EPHB1: variants seen among roughly 807,000 people sequenced by gnomAD.
The protein encoded by EPHB1 is ephrin type-B receptor 1.
A neutral mutation model predicts 94.4 loss-of-function variants in EPHB1; 30 were observed. The ratio of observed to expected loss-of-function variants is 0.32; its 90% CI spans 0.24 to 0.43. The LOEUF is 0.43. EPHB1 is among the 20% of genes least tolerant of loss of function. The pLI is 1.00. For missense variants in EPHB1, 1,055 were observed against 1,308.3 expected (o/e 0.81, Z 2.99); for synonymous variants, 522 against 489.1 (o/e 1.07, Z -0.89).
At chr3:134,861,724 C>T (rs1470891614) in intron 1 of EPHB1, among the ~76,000 whole-genome samples, 1 of 151,892 alleles carries the variant, frequency 6.6e-6, no homozygotes, top group Non-Finnish European at 1.5e-5. Context: ...GCTTGTTTGG[C>T]ATCGGGGGAG....
Position 135,109,994 on chromosome 3 carries a change from C to T in EPHB1, c.961+3391C>T, listed in dbSNP as rs187317132. On this transcript the variant is annotated intron_variant, in intron 4 of 15. Transcript: ENST00000398015. ...CTCGGAGGTGAACAGCAATGTGAAA[C>T]CCCGCACCATGTTGCAGGGCTTGGC... Among the ~76,000 whole-genome samples, 10 of 152,314 alleles carry T rather than the reference C, an allele frequency of 6.6e-5. No individual in the cohort carries two copies. In the East Asian group the frequency reaches 1.5e-3, roughly 24 times the overall value.
chr3:134,865,514 G>A (rs1182680863), intron 1 of EPHB1, among the ~76,000 whole-genome samples: 1 of 151,990 alleles, frequency 6.6e-6, no homozygotes, highest in African/African-American at 2.4e-5. Flanking sequence ...TCTTATACTT[G>A]TACAAAATTA....
intron 3 of EPHB1, among the ~76,000 whole-genome samples, chr3:135,012,676 G>T (rs1260266799): frequency 6.6e-6 from 1 of 152,116 alleles, no homozygotes; most frequent in Non-Finnish European, 1.5e-5. Context: ...CTAATAGAGG[G>T]ATACATGCCA....
chr3:134,804,145 A>G (rs1016242701), intron 1 of EPHB1, among the ~76,000 whole-genome samples: 1 of 138,614 alleles, frequency 7.2e-6, no homozygotes, highest in Non-Finnish European at 1.5e-5. Context: ...TGCTGTTGCT[A>G]AAGACATACC....
At chr3:134,922,288 T>C (rs1435355698) in intron 1 of EPHB1, among the ~76,000 whole-genome samples, 4 of 152,222 alleles carry the variant, frequency 2.6e-5, no homozygotes, top group African/African-American at 9.6e-5. Context: ...TCAAATCACT[T>C]TTATTCAGCC....
At position 134,880,895 on chromosome 3, in the gene EPHB1, A is replaced by G. The variant is rs183593147; in HGVS notation, c.59-44921A>G. 6.6e-5 allele frequency among the ~76,000 whole-genome samples: 10 copies of G among 152,352 alleles called. No homozygotes were observed. In the East Asian group the frequency reaches 1.7e-3, roughly 26 times the overall value. On this transcript the variant is annotated intron_variant, in intron 1 of 15. Coordinates refer to ENST00000398015, the MANE Select transcript of EPHB1 (RefSeq NM_004441.5). ...AAGAGGGATGGAATATTATCGCTTT[A>G]TCTGTGAGAGGAAGAGATGATGTGA...
At chr3:134,907,390 C>T (rs1269322024) in intron 1 of EPHB1, among the ~76,000 whole-genome samples, 1 of 152,130 alleles carries the variant, frequency 6.6e-6, no homozygotes, top group Non-Finnish European at 1.5e-5. Flanking sequence ...AAAGGAAGGG[C>T]AGATGGGCCC....
intron 2 of EPHB1, among the ~76,000 whole-genome samples, chr3:134,946,794 C>CCTG (rs3067406): frequency 3.0e-4 from 46 of 151,738 alleles, no homozygotes; most frequent in African/African-American, 1.1e-3. Context: ...GCCTGCTCCT[C>CCTG]CACCTTCCTC....
chr3:135,033,229 T>G (rs1353691794), intron 3 of EPHB1, among the ~76,000 whole-genome samples: 1 of 152,124 alleles, frequency 6.6e-6, no homozygotes, highest in Non-Finnish European at 1.5e-5. Flanking sequence ...GATTCTGGAA[T>G]CGTTTATGGT....
At chr3:134,839,292 C>A (rs1297265829) in intron 1 of EPHB1, among the ~76,000 whole-genome samples, 1 of 152,136 alleles carries the variant, frequency 6.6e-6, no homozygotes, top group East Asian at 1.9e-4. Flanking sequence ...CTGCCCCTTA[C>A]CGTGCTTGTT....
At chr3:135,049,306 G>A (rs554775807) in intron 3 of EPHB1, among the ~76,000 whole-genome samples, 2 of 152,282 alleles carry the variant, frequency 1.3e-5, no homozygotes, top group East Asian at 1.9e-4. Context: ...TATTTCTCAC[G>A]GTTCTGAGAG....
intron 1 of EPHB1, among the ~76,000 whole-genome samples, chr3:134,909,122 C>CGGT (rs1365709935): frequency 1.1e-5 from 1 of 88,144 alleles, no homozygotes; most frequent in African/African-American, 4.8e-5. Context: ...GGGCGGGGGG[C>CGGT]GGGCTGGAAG....
rs549252431 is a variant in EPHB1, at chr3:135,228,078, A to G, written c.2347-13070A>G. Among the ~76,000 whole-genome samples the G allele has an allele frequency of 6.8e-4, 103 of 152,272 alleles. 1 individual carries two copies. The South Asian group carries it at 0.012, about 18-fold the overall frequency. On this transcript the variant is annotated intron_variant, in intron 12 of 15. Transcript: ENST00000398015. ...ATAAAATACTTTTAACTAGTCTACT[A>G]TCTATATTCTAATTTTGTCAATTGA...
chr3:134,828,715 G>A (rs1407303739), intron 1 of EPHB1, among the ~76,000 whole-genome samples: 1 of 152,186 alleles, frequency 6.6e-6, no homozygotes, highest in Non-Finnish European at 1.5e-5. Flanking sequence ...GGGGATTGAA[G>A]GAGGCTGCAG....
intron 1 of EPHB1, among the ~76,000 whole-genome samples, chr3:134,832,805 CA>C (rs536865919): frequency 9.0e-4 from 137 of 152,256 alleles, no homozygotes; most frequent in African/African-American, 1.6e-3. Flanking sequence ...TACAAGTCTC[CA>C]GCTGAAACTT....
At chr3:134,967,771 A>G (rs1173019551) in intron 3 of EPHB1, among the ~76,000 whole-genome samples, 1 of 152,178 alleles carries the variant, frequency 6.6e-6, no homozygotes, top group Non-Finnish European at 1.5e-5. Context: ...GACTAAGACA[A>G]AAGGATGATA....
chr3:134,949,564 C>T (rs1271958239), intron 2 of EPHB1, among the ~76,000 whole-genome samples: 1 of 152,136 alleles, frequency 6.6e-6, no homozygotes, highest in Non-Finnish European at 1.5e-5. Context: ...TGGCTTTTAG[C>T]TCTGTTAATG....
intron 3 of EPHB1, among the ~76,000 whole-genome samples, chr3:135,020,407 A>G (rs1448947445): frequency 6.6e-6 from 1 of 152,134 alleles, no homozygotes; most frequent in African/African-American, 2.4e-5. Flanking sequence ...CCCTTGCCCA[A>G]TAGCAGCCAC....
At chr3:134,968,072 T>C (rs1368543375) in intron 3 of EPHB1, among the ~76,000 whole-genome samples, 3 of 152,202 alleles carry the variant, frequency 2.0e-5, no homozygotes, top group Non-Finnish European at 4.4e-5. Flanking sequence ...AAAACAGCCA[T>C]AGAAGTATAG....
Sources: gnomAD v4.1 joint callset for allele counts (sites outside exome capture counted in the v4.1 genomes callset) on GRCh38, gnomAD v4.1.1 for gene constraint, MANE v1.5 for transcripts, NCBI Gene and HGNC (gene_info 2026-07-23, HGNC 2026-07-21) for gene names.